The following CFAP44 variants were observed in gnomAD, a reference collection of about 807,000 sequenced individuals.
CFAP44 encodes the protein cilia- and flagella-associated protein 44.
A neutral mutation model predicts 216.2 loss-of-function variants in CFAP44; 134 were observed. The observed-to-expected ratio is 0.62, with a 90% CI of 0.54 to 0.72. CFAP44 has a LOEUF of 0.72. CFAP44 is among the 30% of genes least tolerant of loss of function. The probability of loss-of-function intolerance (pLI) is 0.00; values close to 1 mark genes in which losing one functional copy is unlikely to be tolerated. For synonymous variants in CFAP44, 700 were observed against 727.6 expected (o/e 0.96, Z 0.61); for missense variants, 2,035 against 2,182.1 (o/e 0.93, Z 1.34).
chr3:113,407,041 C>A lies in CFAP44; in HGVS notation c.891G>T (p.Lys297Asn). The change falls in exon 8 of 35, where the codon AAG (lysine) becomes AAT (asparagine). Residue 297 changes from lysine to asparagine, a missense_variant and splice_region_variant. Physicochemically the swap from Lys to Asn is moderately conservative, Grantham distance 94. Transcript: ENST00000393845. ...QLTTSGSGHI[K>N]FWEMAFTFTG... ...TGAACGTAAAAGCCATTTCCCAGAA[C>A]CTACAAACAAGAAAGAGACTGAATG... 6.2e-7 allele frequency: 1 copy of A among 1,612,238 alleles called. No individual in the cohort carries two copies. Among genetic ancestry groups the A allele is most frequent in the Non-Finnish European group, 8.5e-7 (1 of 1,178,340 alleles).
intron 18 of CFAP44, among the ~76,000 whole-genome samples, chr3:113,368,862 T>TAC (rs2107320837): frequency 6.6e-6 from 1 of 152,190 alleles, no homozygotes; most frequent in East Asian, 1.9e-4. Flanking sequence ...CTTACAGAGA[T>TAC]ACACATAGGC....
At position 113,420,049 on chromosome 3, in the gene CFAP44, T is replaced by C; in HGVS notation, c.538A>G (p.Ser180Gly). 6.2e-7 allele frequency: 1 copy of C among 1,613,986 alleles called. No individual in the cohort carries two copies. Among genetic ancestry groups the C allele is most frequent in the Non-Finnish European group, 8.5e-7 (1 of 1,179,924 alleles). Reference sequence around the variant, plus strand: ...ACGCCAATTCCTTCACCACTGCTACTTCGCAGGTAGATCTGTTCCTTGGTT... The same window carrying C: ...ACGCCAATTCCTTCACCACTGCTACCTCGCAGGTAGATCTGTTCCTTGGTT... ...LKTKEQIYLR[S>G]SSGEGIGVIG... The change falls in exon 5 of 35, where the codon AGT (serine) becomes GGT (glycine). Residue 180 changes from serine (S) to glycine (G), a missense_variant. Coordinates refer to ENST00000393845, the MANE Select transcript of CFAP44 (RefSeq NM_001164496.2).
chr3:113,314,734 A>C (rs1950071170), intron 28 of CFAP44, among the ~76,000 whole-genome samples: 1 of 152,144 alleles, frequency 6.6e-6, no homozygotes. Flanking sequence ...TATTTATACA[A>C]GTATATTATA....
chr3:113,305,330 C>T (rs1457913129), intron 30 of CFAP44, among the ~76,000 whole-genome samples, 178 bp from the exon 31 acceptor site: 2 of 152,100 alleles, frequency 1.3e-5, no homozygotes, highest in African/African-American at 2.4e-5. Context: ...TTCTTTCTGC[C>T]AAGTTATGAT....
chr3:113,360,961 G>T, intron 21 of CFAP44: 1 of 264,562 alleles, frequency 3.8e-6, no homozygotes. Flanking sequence ...TGTTTTATCT[G>T]TGTATGAATT....
chr3:113,380,840 A>C (rs77775695), intron 16 of CFAP44, 59 bp downstream of exon 16: 36 of 1,361,688 alleles, frequency 2.6e-5, no homozygotes, highest in Non-Finnish European at 3.4e-5. Flanking sequence ...AACATAGGAT[A>C]TTTTATATTC....
chr3:113,425,390 C>T (rs190833251), intron 4 of CFAP44, among the ~76,000 whole-genome samples: 33 of 152,226 alleles, frequency 2.2e-4, no homozygotes, highest in Admixed American at 5.9e-4. Context: ...TCTAACTACC[C>T]GCATTGCAAA....
intron 19 of CFAP44, 116 bp downstream of exon 19, chr3:113,365,923 G>T: frequency 8.6e-7 from 1 of 1,164,880 alleles, no homozygotes; most frequent in Non-Finnish European, 1.2e-6. Context: ...AGGAAGATTA[G>T]ACCATAAGGT....
rs1949972469 is a variant in CFAP44, at chr3:113,305,092, C to G, written c.4819G>C (p.Glu1607Gln). The part of the protein sequence containing the change: ...AEEALEAYQR[E>Q]KQQRLNELLV... ...AGTTCATTCAGCCGCTGCTGCTTCT[C>G]TCGCTGATAAGCCTCCAGGGCCTCC... is the stretch of plus-strand genomic sequence containing the variant. Residue 1607 changes from glutamate to glutamine, a missense_variant, in exon 31 of 35, where the codon GAG becomes CAG. Transcript: ENST00000393845. 2.6e-6 allele frequency: 4 copies of G among 1,537,160 alleles called. No homozygotes were observed. Among genetic ancestry groups the G allele is most frequent in the Non-Finnish European group, 3.5e-6 (4 of 1,146,932 alleles).
chr3:113,393,857 T>C (rs769654165), intron 15 of CFAP44, among the ~76,000 whole-genome samples: 1 of 152,072 alleles, frequency 6.6e-6, no homozygotes, highest in East Asian at 1.9e-4. Context: ...ACATGATCTC[T>C]ATACAGGCTA....
chr3:113,351,549 C>T (rs186096535), intron 22 of CFAP44, among the ~76,000 whole-genome samples: 10 of 152,320 alleles, frequency 6.6e-5, no homozygotes, highest in African/African-American at 1.2e-4. Context: ...TCTCCAAAAC[C>T]GCCAAGACCT....
At position 113,328,695 on chromosome 3, in the gene CFAP44, T is replaced by TAAAAAAAAAAAAAA. The variant is rs1950210721; in HGVS notation, c.4117-877_4117-876insTTTTTTTTTTTTTT. 5.1e-4 allele frequency among the ~76,000 whole-genome samples: 37 copies of TAAAAAAAAAAAAAA among 72,344 alleles called. 2 individuals are homozygous for TAAAAAAAAAAAAAA. The highest frequency in any genetic ancestry group is 1.4e-3 in the African/African-American group (30 of 21,408). 47.5% of individuals were successfully genotyped at this position (72,344 alleles called of 152,430 possible). ...AAACTACCAGAGAAATTTAGAGAGC[T>TAAAAAAAAAAAAAA]TAAAAAAAAAAAAAAAAAAAAAAAA... On this transcript the variant is annotated intron_variant, in intron 26 of 34. Coordinates refer to ENST00000393845, the MANE Select transcript of CFAP44 (RefSeq NM_001164496.2).
chr3:113,373,384 T>C, intron 18 of CFAP44, 27 bp downstream of exon 18: 8 of 1,506,998 alleles, frequency 5.3e-6, no homozygotes, highest in Non-Finnish European at 7.1e-6. Flanking sequence ...ATATGGTTTT[T>C]TTAAAGCTTT....
rs752808122 is a variant in CFAP44 at position 113,366,238 on chromosome 3, T to A, written c.2516A>T (p.Asp839Val). 1 of 1,613,940 alleles carries A rather than the reference T, an allele frequency of 6.2e-7. No individual in the cohort carries two copies. Among genetic ancestry groups the A allele is most frequent in the Non-Finnish European group, 8.5e-7 (1 of 1,179,890 alleles). Residue 839 changes from aspartate (D) to valine (V), a missense_variant, in exon 19 of 35, where the codon GAT becomes GTT. Asp to Val is a radical substitution (Grantham distance 152, BLOSUM62 -3). This residue lies in a region of CFAP44 where 1,883 missense variants were observed against 2,023.7 expected (regional missense o/e 0.93). Transcript: ENST00000393845. ...GTCCACCAAACTGGTCAATGAAGGA[T>A]CATTTTGATTTAGGACATAGACTCG... ...AIRVYVLNQN[D>V]PSLTSLVDYW...
intron 16 of CFAP44, 132 bp from the exon 17 acceptor site, chr3:113,379,683 C>A: frequency 1.6e-6 from 1 of 626,774 alleles, no homozygotes; most frequent in Non-Finnish European, 2.4e-6. Flanking sequence ...AAATACTCAC[C>A]AATGCGAGAA....
chr3:113,349,264 A>G (rs1950418715), intron 22 of CFAP44, among the ~76,000 whole-genome samples: 1 of 152,210 alleles, frequency 6.6e-6, no homozygotes, highest in African/African-American at 2.4e-5. Flanking sequence ...TCGAGGGTCA[A>G]TTTATCCTAA....
At chr3:113,302,786 A>G (rs1407498214) in intron 32 of CFAP44, among the ~76,000 whole-genome samples, 11 of 151,048 alleles carry the variant, frequency 7.3e-5, no homozygotes, top group Non-Finnish European at 1.5e-4. Context: ...AAAAAAAAAA[A>G]AAAAAGAAAA....
chr3:113,428,813 A>ATAGG (rs1274696067), intron 2 of CFAP44: 1 of 152,190 alleles, frequency 6.6e-6, no homozygotes, highest in Non-Finnish European at 1.5e-5. Flanking sequence ...GATATCAAAA[A>ATAGG]TAACCTGCTG....
intron 1 of CFAP44, among the ~76,000 whole-genome samples, 200 bp downstream of exon 1, chr3:113,441,253 G>A (rs1935355532): frequency 6.6e-6 from 1 of 152,218 alleles, no homozygotes; most frequent in Non-Finnish European, 1.5e-5. Flanking sequence ...GGTCTTGCAG[G>A]CAGGAACCGT....
Sources: gnomAD v4.1 joint callset for allele counts (sites outside exome capture counted in the v4.1 genomes callset) on GRCh38, gnomAD v4.1.1 for gene constraint, gnomAD v4.1.1 regional missense constraint, MANE v1.5 for transcripts, NCBI Gene and HGNC (gene_info 2026-07-23, HGNC 2026-07-21) for gene names.